Variants in PARP6 observed in about 807,000 individuals in gnomAD.
PARP6 encodes poly(ADP-ribose) polymerase family member 6.
PARP6 carries 27 observed loss-of-function variants against 92.0 expected under a neutral mutation model. The ratio of observed to expected loss-of-function variants is 0.29; its 90% CI spans 0.22 to 0.40. The LOEUF (loss-of-function observed/expected upper bound fraction) is 0.40, where lower values mean the gene tolerates loss of function less well. Ranked by LOEUF, PARP6 falls within the 10% of genes least tolerant of loss-of-function variation. The probability of loss-of-function intolerance (pLI) is 1.00; values close to 1 mark genes in which losing one functional copy is unlikely to be tolerated. For synonymous variants in PARP6, 272 were observed against 281.2 expected, an observed-to-expected ratio of 0.97 and a Z score of 0.33; for missense variants, 501 against 784.5, an observed-to-expected ratio of 0.64 and a Z score of 4.32.
chr15:72,249,021 T>A, intron 20 of PARP6: 1 of 371,206 alleles, frequency 2.7e-6, no homozygotes. Flanking sequence ...AAGCCCCTGC[T>A]ATGAATAAAA....
At chr15:72,249,985 G>T in intron 19 of PARP6, 35 bp downstream of exon 19, 1 of 1,369,034 alleles carries the variant, frequency 7.3e-7, no homozygotes, top group Non-Finnish European at 1.0e-6. Context: ...GGAAGGGAGC[G>T]GTTAGAAATA....
At chr15:72,256,136 T>C (rs529481838) in intron 14 of PARP6, among the ~76,000 whole-genome samples, 2 of 152,290 alleles carry the variant, frequency 1.3e-5, no homozygotes, top group South Asian at 4.1e-4. Context: ...ATAAATATTA[T>C]CCCTTTTTAC....
intron 8 of PARP6, among the ~76,000 whole-genome samples, chr15:72,263,299 TTCTAA>T (rs899324457): frequency 4.6e-5 from 7 of 152,312 alleles, no homozygotes; most frequent in South Asian, 2.1e-4. Context: ...TCACAAATCT[TTCTAA>T]TCTGTCTCTC....
At chr15:72,262,401 G>A (rs2086010527) in intron 8 of PARP6, among the ~76,000 whole-genome samples, 1 of 152,116 alleles carries the variant, frequency 6.6e-6, no homozygotes, top group Non-Finnish European at 1.5e-5. Flanking sequence ...TCCATTCTCT[G>A]GAGGTAAGGT....
intron 11 of PARP6, 62 bp from the exon 12 acceptor site, chr15:72,258,194 A>G: frequency 7.7e-7 from 1 of 1,300,548 alleles, no homozygotes. Context: ...ATGGGAAATA[A>G]TTTCAGCTTT....
chr15:72,268,453 C>T (rs1167485167), intron 2 of PARP6, among the ~76,000 whole-genome samples: 1 of 152,242 alleles, frequency 6.6e-6, no homozygotes, highest in Non-Finnish European at 1.5e-5. Context: ...CAATAGCTAA[C>T]TTAAAAAGTC....
intron 11 of PARP6, among the ~76,000 whole-genome samples, chr15:72,258,727 TTTTG>T (rs2085458098): frequency 6.6e-6 from 1 of 152,216 alleles, no homozygotes; most frequent in Non-Finnish European, 1.5e-5. Context: ...ACAGCGTTTT[TTTTG>T]TTGTTGTTGT....
At chr15:72,251,317 T>C in intron 16 of PARP6, 62 bp from the exon 17 acceptor site, 1 of 962,864 alleles carries the variant, frequency 1.0e-6, no homozygotes, top group Non-Finnish European at 1.6e-6. Context: ...CTATCCTTTC[T>C]GAACAAGCCA....
At chr15:72,267,863 T>C (rs2086808639) in intron 2 of PARP6, among the ~76,000 whole-genome samples, 192 bp from the exon 3 acceptor site, 2 of 152,108 alleles carry the variant, frequency 1.3e-5, no homozygotes, top group Non-Finnish European at 2.9e-5. Context: ...GTAATTCTCA[T>C]GCCTCAGCCT....
chr15:72,243,721 C>T (rs2083309488), intron 20 of PARP6: 1 of 152,234 alleles, frequency 6.6e-6, no homozygotes, highest in Non-Finnish European at 1.5e-5. Flanking sequence ...TAGGCCCAAT[C>T]TTACCACAGT....
intron 4 of PARP6, among the ~76,000 whole-genome samples, 173 bp from the exon 5 acceptor site, chr15:72,266,164 T>G (rs1292046349): frequency 2.0e-5 from 3 of 152,134 alleles, no homozygotes; most frequent in Non-Finnish European, 4.4e-5. Flanking sequence ...TAGCAAGGGA[T>G]TTCATTAACA....
chr15:72,260,438 C>A (rs747387335), intron 10 of PARP6, 40 bp downstream of exon 10: 108 of 1,527,470 alleles, frequency 7.1e-5, no homozygotes, highest in Non-Finnish European at 9.6e-5. Flanking sequence ...CCACTCCCAC[C>A]CTCCTGATAG....
At position 72,258,148 on chromosome 15, in the gene PARP6, A is replaced by T. The variant is rs775252012; in HGVS notation, c.811-16T>A. The T allele has an allele frequency of 1.3e-6, 2 of 1,580,436 alleles. No individual in the cohort carries two copies. Among genetic ancestry groups the T allele is most frequent in the Non-Finnish European group, 1.7e-6 (2 of 1,149,398 alleles). On this transcript the variant is annotated splice_polypyrimidine_tract_variant and intron_variant, in intron 11 of 23. Transcript: ENST00000569795. ...ACTTCATGATCTGAGAAAACAACAG[A>T]TTCTAAGTCTTTTGGAAGTACTGGC...
chr15:72,245,608 GCTTT>G (rs1476949970), intron 20 of PARP6: 1 of 152,162 alleles, frequency 6.6e-6, no homozygotes, highest in Non-Finnish European at 1.5e-5. Flanking sequence ...CTGTATATCA[GCTTT>G]CTTATCTGTA....
At position 72,254,393 on chromosome 15, in the gene PARP6, AACAGAATAGG is replaced by A. The variant is rs1437704118; in HGVS notation, c.1191+52_1191+61del. 7.5e-6 allele frequency: 9 copies of A among 1,200,918 alleles called. No homozygotes were observed. In the Admixed American group the frequency reaches 1.5e-4, roughly 20 times the overall value. 74.4% of individuals were successfully genotyped at this position (1,200,918 alleles called of 1,614,324 possible). A position where few individuals can be genotyped will look rare whatever the true frequency, so the allele number is the denominator to read the frequency against. ...CTTCATCCCACTCCCACAAATTACC[AACAGAATAGG>A]ACACTTGAACTGGGCAGGCAAAGGA... On this transcript the variant is annotated intron_variant, in intron 15 of 23. Coordinates refer to ENST00000569795, the MANE Select transcript of PARP6 (RefSeq NM_001323532.2).
chr15:72,265,588 C>G, intron 5 of PARP6, 115 bp from the exon 6 acceptor site: 1 of 810,946 alleles, frequency 1.2e-6, no homozygotes, highest in East Asian at 2.5e-5. Context: ...GAGTGGATGA[C>G]AGTTTTGTAC....
intron 14 of PARP6, among the ~76,000 whole-genome samples, chr15:72,255,328 C>T (rs1460804922): frequency 6.6e-6 from 1 of 152,198 alleles, no homozygotes; most frequent in African/African-American, 2.4e-5. Flanking sequence ...TCCTGGCTCA[C>T]TGCAACCTCT....
In PARP6 at chr15:72,263,276, T is replaced by C. The variant is rs549116188; in HGVS notation, c.395+1279A>G. Among the ~76,000 whole-genome samples, 63 of 152,338 alleles carry C rather than the reference T, an allele frequency of 4.1e-4. No homozygotes were observed. The South Asian group carries it at 0.013, about 31-fold the overall frequency. On this transcript the variant is annotated intron_variant, in intron 8 of 23. Transcript: ENST00000569795. ...TATCTAAATCAGTCTTCAAGTCTTA[T>C]TGATTTTATATCTCACAAATCTTTC...
At chr15:72,269,977 C>T (rs1334931263) in intron 2 of PARP6, among the ~76,000 whole-genome samples, 1 of 151,832 alleles carries the variant, frequency 6.6e-6, no homozygotes, top group Non-Finnish European at 1.5e-5. Context: ...TTAACACACG[C>T]TCCAAGTTGT....
Sources: allele counts gnomAD v4.1 joint callset (sites outside exome capture counted in the v4.1 genomes callset), GRCh38; gene constraint gnomAD v4.1.1; transcripts MANE v1.5; gene names NCBI Gene and HGNC (gene_info 2026-07-23, HGNC 2026-07-21).